The following RASSF3 variants were observed in gnomAD, a reference collection of about 807,000 sequenced individuals.
RASSF3 encodes Ras association domain family member 3.
RASSF3 carries 19 observed loss-of-function variants against 19.9 expected under a neutral mutation model. The observed-to-expected ratio is 0.96, with a 90% CI of 0.67 to 1.40. The LOEUF (loss-of-function observed/expected upper bound fraction) is 1.40, where lower values mean the gene tolerates loss of function less well. Among genes scored for constraint, RASSF3 ranks in the 40% most tolerant of loss-of-function variants. The pLI, the probability that RASSF3 is intolerant of heterozygous loss-of-function variation, is 0.00. For synonymous variants in RASSF3, 110 were observed against 104.2 expected (o/e 1.06, Z -0.34); for missense variants, 306 against 289.8 (o/e 1.06, Z -0.41).
intron 1 of RASSF3, among the ~76,000 whole-genome samples, chr12:64,629,399 C>T (rs889644586): frequency 5.9e-5 from 9 of 152,040 alleles, no homozygotes; most frequent in South Asian, 2.1e-4. Flanking sequence ...TGAGCCACTG[C>T]GCCCGTCCCA....
intron 1 of RASSF3, among the ~76,000 whole-genome samples, chr12:64,523,227 G>A (rs916099101): frequency 4.6e-5 from 7 of 152,120 alleles, no homozygotes; most frequent in South Asian, 2.1e-4. Flanking sequence ...CCAACATGGC[G>A]AAACCCCATC....
chr12:64,567,503 T>C (rs1869450172), intron 2 of RASSF3, among the ~76,000 whole-genome samples: 1 of 152,146 alleles, frequency 6.6e-6, no homozygotes, highest in African/African-American at 2.4e-5. Flanking sequence ...AAACCTCTCC[T>C]GCACAATCGT....
chr12:64,545,725 C>A (rs933594487), downstream of RASSF3, among the ~76,000 whole-genome samples: 2 of 152,092 alleles, frequency 1.3e-5, no homozygotes, highest in African/African-American at 4.8e-5. Flanking sequence ...CCCAGGAGTT[C>A]GAGACCAGCC....
rs1046416070 is a variant in RASSF3, at chr12:64,696,935, G to A, written c.*2023G>A. 2 of 151,966 alleles carry A rather than the reference G, an allele frequency of 1.3e-5. No individual in the cohort carries two copies. The highest frequency in any genetic ancestry group is 2.4e-5 in the African/African-American group (1 of 41,366). 9.4% of individuals were successfully genotyped at this position (151,966 alleles called of 1,614,324 possible). A position where few individuals can be genotyped will look rare whatever the true frequency, so the allele number is the denominator to read the frequency against. Reference sequence around the variant, plus strand: ...TATTCAGACTATGGCCTGGATTTGAGTATATTGTTATTACCACCTGGTTTT... The same window carrying A: ...TATTCAGACTATGGCCTGGATTTGAATATATTGTTATTACCACCTGGTTTT... On this transcript the variant is annotated 3_prime_UTR_variant, in exon 5 of 5. Coordinates refer to ENST00000542104, the MANE Select transcript of RASSF3 (RefSeq NM_178169.4).
intron 2 of RASSF3, among the ~76,000 whole-genome samples, chr12:64,605,124 T>G (rs1236109730): frequency 2.0e-5 from 3 of 151,996 alleles, no homozygotes; most frequent in African/African-American, 7.2e-5. Flanking sequence ...TAGCTGGGAT[T>G]GCAGGCACCC....
chr12:64,665,599 G>A (rs1336982682), intron 1 of RASSF3, among the ~76,000 whole-genome samples: 2 of 152,134 alleles, frequency 1.3e-5, no homozygotes, highest in African/African-American at 4.8e-5. Flanking sequence ...CATTGCCATG[G>A]TAACACCTGG....
At chr12:64,685,252 T>G (rs1410133715) in intron 2 of RASSF3, among the ~76,000 whole-genome samples, 4 of 152,190 alleles carry the variant, frequency 2.6e-5, no homozygotes, top group Non-Finnish European at 5.9e-5. Flanking sequence ...GTTTTTTGTT[T>G]TGTTTTGTTT....
chr12:64,661,212 TAGC>T (rs752602143), intron 1 of RASSF3, among the ~76,000 whole-genome samples: 3 of 152,188 alleles, frequency 2.0e-5, no homozygotes, highest in Non-Finnish European at 4.4e-5. Context: ...ACCTGGTACA[TAGC>T]AGGTTCTTGG....
intron 1 of RASSF3, among the ~76,000 whole-genome samples, chr12:64,520,806 T>C (rs1868463655): frequency 6.6e-6 from 1 of 151,960 alleles, no homozygotes. Flanking sequence ...GTACAGCCCC[T>C]GGGGAGTCTA....
chr12:64,523,623 C>T (rs1460503903), intron 1 of RASSF3, among the ~76,000 whole-genome samples: 3 of 152,046 alleles, frequency 2.0e-5, no homozygotes, highest in Non-Finnish European at 4.4e-5. Context: ...TCTTTAAACC[C>T]TTTGTCCTAC....
intron 2 of RASSF3, among the ~76,000 whole-genome samples, chr12:64,685,186 A>G (rs1404236973): frequency 6.6e-6 from 1 of 152,082 alleles, no homozygotes; most frequent in Non-Finnish European, 1.5e-5. Context: ...GATTTTTAGC[A>G]TCATTGCCTA....
At chr12:64,650,128 CA>C (rs1366480306) in intron 1 of RASSF3, among the ~76,000 whole-genome samples, 1 of 152,194 alleles carries the variant, frequency 6.6e-6, no homozygotes, top group Non-Finnish European at 1.5e-5. Context: ...GGGGCAGGGA[CA>C]GGGGATCCCC....
intron 2 of RASSF3, among the ~76,000 whole-genome samples, chr12:64,546,794 A>G (rs1039791582): frequency 4.6e-5 from 7 of 152,338 alleles, no homozygotes; most frequent in African/African-American, 1.7e-4. Context: ...CAACCCAATT[A>G]TAATCCCCAG....
At chr12:64,639,348 A>ATTTCT (rs1435851820) in intron 1 of RASSF3, among the ~76,000 whole-genome samples, 11 of 149,056 alleles carry the variant, frequency 7.4e-5, no homozygotes, top group South Asian at 2.1e-4. Flanking sequence ...GTAAAAAAGA[A>ATTTCT]ATTCCTAAAC....
intron 2 of RASSF3, among the ~76,000 whole-genome samples, chr12:64,686,946 C>T (rs113840303): frequency 9.2e-5 from 14 of 152,324 alleles, no homozygotes; most frequent in African/African-American, 3.1e-4. Context: ...ATATGTAACA[C>T]TTGACAGTTT....
At chr12:64,565,250 G>C (rs10878198) in intron 2 of RASSF3, among the ~76,000 whole-genome samples, 76,820 of 151,760 alleles carry the variant, frequency 0.51, 22,202 homozygotes, top group Non-Finnish European at 0.65. Context: ...TGAGGGGAGG[G>C]TGTCTTTTTG....
chr12:64,687,385 T>G (rs1192440242), intron 2 of RASSF3, among the ~76,000 whole-genome samples: 1 of 152,182 alleles, frequency 6.6e-6, no homozygotes, highest in African/African-American at 2.4e-5. Context: ...AAATAGTAAT[T>G]CTACCATCAG....
chr12:64,590,028 T>G (rs1281940178), intron 2 of RASSF3, among the ~76,000 whole-genome samples: 2 of 143,716 alleles, frequency 1.4e-5, no homozygotes, highest in African/African-American at 2.6e-5. Context: ...AAAAAGAGTC[T>G]GAGACCAGCA....
chr12:64,518,114 TA>T (rs1868398949), intron 1 of RASSF3, among the ~76,000 whole-genome samples: 1 of 152,068 alleles, frequency 6.6e-6, no homozygotes, highest in Non-Finnish European at 1.5e-5. Context: ...AAAAAATAAT[TA>T]AAAAGATAAA....
Sources: allele counts gnomAD v4.1 joint callset (sites outside exome capture counted in the v4.1 genomes callset), GRCh38; gene constraint gnomAD v4.1.1; transcripts MANE v1.5; gene names NCBI Gene and HGNC (gene_info 2026-07-23, HGNC 2026-07-21).